TTC13: variants seen among roughly 807,000 people sequenced by gnomAD.
TTC13 encodes tetratricopeptide repeat protein 13.
A neutral mutation model predicts 120.0 loss-of-function variants in TTC13; 62 were observed. The observed-to-expected ratio is 0.52, with a 90% CI of 0.42 to 0.64. The LOEUF is 0.64. Ranked by LOEUF, TTC13 falls within the 30% of genes least tolerant of loss-of-function variation. The pLI is 0.00. For missense variants in TTC13, 824 were observed against 1,050.2 expected, an observed-to-expected ratio of 0.78 and a Z score of 2.98; for synonymous variants, 384 against 393.5, an observed-to-expected ratio of 0.98 and a Z score of 0.28.
chr1:230,966,816 G>A (rs962426291), intron 1 of TTC13, among the ~76,000 whole-genome samples: 4 of 152,154 alleles, frequency 2.6e-5, no homozygotes, highest in Admixed American at 6.5e-5. Context: ...AAATGAGCCC[G>A]AGGAACCTGC....
At chr1:230,920,395 T>C (rs1236623933) in intron 17 of TTC13, 115 bp downstream of exon 17, 2 of 717,990 alleles carry the variant, frequency 2.8e-6, no homozygotes, top group East Asian at 5.5e-5. Context: ...ATTCAGAATG[T>C]GTTCATACGA....
rs940042348 is a variant in TTC13 at position 230,958,084 on chromosome 1, C to G, written c.442+140G>C. On this transcript the variant is annotated intron_variant, in intron 3 of 22. Transcript: ENST00000366661. The stretch of plus-strand genomic sequence containing the variant: ...TATAATAAATGGAATGTCACAAGGG[C>G]TGAATGCTCCATGCAAGATCAAACA... 6 of 642,950 alleles carry G rather than the reference C, an allele frequency of 9.3e-6. No homozygotes were observed. In the South Asian group the frequency reaches 1.7e-4, roughly 18 times the overall value. 39.8% of individuals were successfully genotyped at this position (642,950 alleles called of 1,614,324 possible).
intron 9 of TTC13, among the ~76,000 whole-genome samples, chr1:230,932,622 G>C (rs1673657070): frequency 1.3e-5 from 2 of 152,064 alleles, no homozygotes; most frequent in South Asian, 4.1e-4. Context: ...ACTTTACAAG[G>C]TGCTTTCAAA....
chr1:230,970,908 T>C (rs926093045), intron 1 of TTC13, among the ~76,000 whole-genome samples: 1 of 152,160 alleles, frequency 6.6e-6, no homozygotes, highest in African/African-American at 2.4e-5. Flanking sequence ...CAGATATTTA[T>C]TGACAATCCT....
chr1:230,957,770 T>A (rs1294261400), intron 3 of TTC13, among the ~76,000 whole-genome samples: 2 of 151,834 alleles, frequency 1.3e-5, no homozygotes, highest in Non-Finnish European at 2.9e-5. Context: ...ACGAATGAAT[T>A]CAATTTTTCT....
chr1:230,926,652 C>T (rs1673077799), intron 12 of TTC13, among the ~76,000 whole-genome samples: 1 of 152,192 alleles, frequency 6.6e-6, no homozygotes, highest in African/African-American at 2.4e-5. Context: ...CAGTCATAGA[C>T]CTGCTACTAT....
chr1:230,916,644 T>C (rs1672060691), intron 17 of TTC13, among the ~76,000 whole-genome samples: 1 of 152,230 alleles, frequency 6.6e-6, no homozygotes, highest in Admixed American at 6.5e-5. Flanking sequence ...CCTTGAATCA[T>C]GGCAGAATAG....
chr1:230,978,127 G>A lies in TTC13; in HGVS notation c.271+433C>T, dbSNP rs1678539726. On this transcript the variant is annotated intron_variant, in intron 1 of 22. Coordinates refer to ENST00000366661, the MANE Select transcript of TTC13 (RefSeq NM_024525.5). This position sits in a 1 kb window ranked among gnomAD's most constrained non-coding sequence, Gnocchi z 5.6. ...TTTCCAGGCCTAAGATGTGCCAGGC[G>A]TCTCCCTCCGGGGGCGGGCTCCGCA... Among the ~76,000 whole-genome samples, 2 of 152,210 alleles carry A rather than the reference G, an allele frequency of 1.3e-5. No homozygotes were observed. Among genetic ancestry groups the A allele is most frequent in the South Asian group, 2.1e-4 (1 of 4,834 alleles).
chr1:230,954,273 T>C (rs991176824), intron 4 of TTC13, 60 bp downstream of exon 4: 175 of 1,179,666 alleles, frequency 1.5e-4, no homozygotes, highest in Non-Finnish European at 1.8e-4. Context: ...AGCTGTTCAT[T>C]AGTCCATATT....
intron 1 of TTC13, among the ~76,000 whole-genome samples, chr1:230,969,098 T>G (rs916988698): frequency 1.3e-5 from 2 of 152,062 alleles, no homozygotes; most frequent in Non-Finnish European, 2.9e-5. Context: ...CCGTCTCTAC[T>G]AAAAATACAA....
chr1:230,927,642 C>T (rs969736197), intron 12 of TTC13, among the ~76,000 whole-genome samples: 3 of 152,084 alleles, frequency 2.0e-5, no homozygotes, highest in Admixed American at 6.6e-5. Context: ...CCAATTTGGG[C>T]TTATTTTTCT....
chr1:230,924,731 G>T, intron 14 of TTC13, 110 bp downstream of exon 14: 1 of 1,248,390 alleles, frequency 8.0e-7, no homozygotes, highest in Non-Finnish European at 1.1e-6. Flanking sequence ...TAACTTGGAA[G>T]GCCTGGTGTT....
At chr1:230,927,774 A>G (rs1288211393) in intron 12 of TTC13, among the ~76,000 whole-genome samples, 3 of 152,230 alleles carry the variant, frequency 2.0e-5, no homozygotes, top group African/African-American at 7.2e-5. Flanking sequence ...CCCCAAAGTC[A>G]TAAACATCTT....
At chr1:230,925,471 C>T (rs771389859) in intron 13 of TTC13, 46 bp downstream of exon 13, 258 of 1,608,278 alleles carry the variant, frequency 1.6e-4, no homozygotes, top group Non-Finnish European at 2.1e-4. Flanking sequence ...ACCACCCTTC[C>T]TCTTATGCCA....
chr1:230,960,589 A>AT (rs2102963898), intron 2 of TTC13, among the ~76,000 whole-genome samples: 1 of 152,230 alleles, frequency 6.6e-6, no homozygotes, highest in African/African-American at 2.4e-5. Context: ...AAAAAAAAAA[A>AT]GAGTATCTTA....
In TTC13 at chr1:230,917,472, T is replaced by A. The variant is rs539988733; in HGVS notation, c.1984-1170A>T. Among the ~76,000 whole-genome samples, 3 of 152,336 alleles carry A rather than the reference T, an allele frequency of 2.0e-5. No individual in the cohort carries two copies. The South Asian group carries it at 6.2e-4, about 32-fold the overall frequency. ...TGGTTTTTCATCAACAGTACCATTG[T>A]GCCTTTCAGTGGAAGTTGACCTGGT... On this transcript the variant is annotated intron_variant, in intron 17 of 22. Transcript: ENST00000366661.
At chr1:230,934,010 T>C (rs977191867) in intron 8 of TTC13, 149 bp from the exon 9 acceptor site, 3 of 496,112 alleles carry the variant, frequency 6.0e-6, no homozygotes, top group Non-Finnish European at 1.1e-5. Flanking sequence ...GAAAATGCAA[T>C]AAACTATAAG....
chr1:230,907,454 C>T (rs147840939), intron 22 of TTC13, among the ~76,000 whole-genome samples: 3 of 152,214 alleles, frequency 2.0e-5, no homozygotes, highest in Non-Finnish European at 2.9e-5. Flanking sequence ...TTTCAAGGTA[C>T]GCTGTAAAGC....
At chr1:230,957,736 C>A (rs994827871) in intron 3 of TTC13, among the ~76,000 whole-genome samples, 1 of 151,934 alleles carries the variant, frequency 6.6e-6, no homozygotes, top group Non-Finnish European at 1.5e-5. Context: ...AATGAACACA[C>A]CAAACTATGT....
Sources: allele counts gnomAD v4.1 joint callset (sites outside exome capture counted in the v4.1 genomes callset), GRCh38; gene constraint gnomAD v4.1.1; non-coding constraint Gnocchi (gnomAD v3.1); transcripts MANE v1.5; gene names NCBI Gene and HGNC (gene_info 2026-07-23, HGNC 2026-07-21).